Variants in CSMD3 observed in about 807,000 individuals in gnomAD.
CSMD3 encodes CUB and sushi domain-containing protein 3.
Under a neutral mutation model 435.2 loss-of-function variants are expected in CSMD3, and 177 were observed. The ratio of observed to expected loss-of-function variants is 0.41; its 90% confidence interval spans 0.36 to 0.46. CSMD3 has a LOEUF of 0.46. Ranked by LOEUF, CSMD3 falls within the 20% of genes least tolerant of loss-of-function variation. The pLI is 0.34. For missense variants in CSMD3, 4,265 were observed against 4,504.6 expected (o/e 0.95, Z 1.52); for synonymous variants, 1,656 against 1,520.5 (o/e 1.09, Z -2.07).
At chr8:113,221,796 C>T (rs2092969721) in intron 3 of CSMD3, among the ~76,000 whole-genome samples, 1 of 151,276 alleles carries the variant, frequency 6.6e-6, no homozygotes, top group African/African-American at 2.4e-5. Context: ...ATGGCACTCA[C>T]CTTCATCCAT....
intron 9 of CSMD3, among the ~76,000 whole-genome samples, chr8:112,931,164 A>C (rs1460481087): frequency 6.6e-6 from 1 of 151,978 alleles, no homozygotes; most frequent in African/African-American, 2.4e-5. Flanking sequence ...CATTTTTTTT[A>C]TGTTGCTATG....
intron 4 of CSMD3, among the ~76,000 whole-genome samples, chr8:113,166,774 A>G (rs1471412892): frequency 2.0e-5 from 3 of 152,096 alleles, no homozygotes; most frequent in Non-Finnish European, 2.9e-5. Flanking sequence ...ATTCTCTGGT[A>G]CCCTTAGTTT....
chr8:112,564,371 TTCCCC>T (rs1368323223), intron 24 of CSMD3, among the ~76,000 whole-genome samples: 3 of 141,390 alleles, frequency 2.1e-5, no homozygotes, highest in African/African-American at 7.8e-5. Flanking sequence ...CCCTTCTCCC[TTCCCC>T]TCCCCTTCCC....
intron 3 of CSMD3, among the ~76,000 whole-genome samples, chr8:113,200,585 T>A (rs2092706619): frequency 1.3e-5 from 2 of 151,656 alleles, no homozygotes; most frequent in South Asian, 4.2e-4. Context: ...AATCTATTTC[T>A]TTTATTTATT....
At chr8:113,213,648 TA>T (rs2092866393) in intron 3 of CSMD3, among the ~76,000 whole-genome samples, 1 of 151,992 alleles carries the variant, frequency 6.6e-6, no homozygotes, top group South Asian at 2.1e-4. Flanking sequence ...ATCTGAAGAT[TA>T]AGTCTAAGTA....
At chr8:112,696,444 T>C (rs926273150) in intron 13 of CSMD3, among the ~76,000 whole-genome samples, 2 of 152,106 alleles carry the variant, frequency 1.3e-5, no homozygotes, top group African/African-American at 4.8e-5. Context: ...ATCTGATCTT[T>C]GACAAACCTG....
At chr8:112,938,560 T>TG (rs2083355468) in intron 9 of CSMD3, among the ~76,000 whole-genome samples, 1 of 152,180 alleles carries the variant, frequency 6.6e-6, no homozygotes, top group African/African-American at 2.4e-5. Flanking sequence ...GCATGTGCAA[T>TG]ATTACACAGC....
Position 112,503,946 on chromosome 8 carries a change from A to G in CSMD3, c.4927T>C (p.Tyr1643His), listed in dbSNP as rs2130916452. The G allele has an allele frequency of 6.2e-7, 1 of 1,609,802 alleles. No individual in the cohort carries two copies. The highest frequency in any genetic ancestry group is 8.5e-7 in the Non-Finnish European group (1 of 1,176,696). Reference protein sequence around the residue: ...FSIEPNYDFLYIYDGPDSNSP... With the variant: ...FSIEPNYDFLHIYDGPDSNSP... ...TTACTGTCTGGTCCATCATAGATATAGAGGAAGTCATAGTTTGGTTCTATG... is the reference window on the plus strand; with the variant it reads ...TTACTGTCTGGTCCATCATAGATATGGAGGAAGTCATAGTTTGGTTCTATG... Residue 1643 changes from tyrosine (Y) to histidine (H), a missense_variant, in exon 30 of 71, where the codon TAT becomes CAT. Around this residue, in one of 3 missense-constraint regions of CSMD3, gnomAD observed 3,255 missense variants for 3,380.2 expected, o/e 0.96. Coordinates refer to ENST00000297405, the MANE Select transcript of CSMD3 (RefSeq NM_198123.2).
chr8:112,587,569 C>T (rs1003592364), intron 22 of CSMD3, among the ~76,000 whole-genome samples: 3 of 151,796 alleles, frequency 2.0e-5, no homozygotes, highest in African/African-American at 4.8e-5. Context: ...AAATGTAATA[C>T]ATTTAAATTT....
chr8:113,208,802 A>G (rs1186485690), intron 3 of CSMD3, among the ~76,000 whole-genome samples: 1 of 152,060 alleles, frequency 6.6e-6, no homozygotes, highest in East Asian at 1.9e-4. Flanking sequence ...GAAGTATGTA[A>G]GGGTACATGT....
intron 3 of CSMD3, among the ~76,000 whole-genome samples, chr8:113,269,858 C>A (rs1321740949): frequency 6.6e-5 from 10 of 151,802 alleles, no homozygotes; most frequent in Non-Finnish European, 1.0e-4. Flanking sequence ...ACCATAAAAA[C>A]CCTAGAAGAA....
intron 5 of CSMD3, among the ~76,000 whole-genome samples, chr8:113,038,639 G>A (rs2087463598): frequency 6.6e-6 from 1 of 152,104 alleles, no homozygotes; most frequent in Non-Finnish European, 1.5e-5. Flanking sequence ...GTGCTTTCTG[G>A]CAGCTCCAGG....
chr8:112,537,741 T>G (rs1391415608), intron 27 of CSMD3, among the ~76,000 whole-genome samples: 9 of 149,662 alleles, frequency 6.0e-5, no homozygotes, highest in Non-Finnish European at 1.0e-4. Flanking sequence ...AAAAAAAAAG[T>G]CCCCCATCAA....
Position 112,656,248 on chromosome 8 carries a change from C to T in CSMD3, c.2910G>A (p.Val970=). ...PLLGSYNGTQ[V]PQFLFSSSNF... ...TACTGCTACTAAATAGAAACTGGGG[C>T]ACTTGGGTGCCATTGTAAGATCCAA... Residue 970 remains valine, a synonymous_variant, in exon 18 of 71, where the codon GTG becomes GTA. Transcript: ENST00000297405. 6.2e-7 allele frequency: 1 copy of T among 1,609,770 alleles called. No individual in the cohort carries two copies. Among genetic ancestry groups the T allele is most frequent in the Admixed American group, 1.7e-5 (1 of 59,978 alleles).
At chr8:112,792,007 A>G (rs1438785712) in intron 13 of CSMD3, among the ~76,000 whole-genome samples, 1 of 152,094 alleles carries the variant, frequency 6.6e-6, no homozygotes, top group African/African-American at 2.4e-5. Context: ...AGCCATCTGT[A>G]TCTCTTCTTT....
At chr8:113,040,054 G>A (rs2087539122) in intron 5 of CSMD3, among the ~76,000 whole-genome samples, 2 of 152,118 alleles carry the variant, frequency 1.3e-5, no homozygotes, top group Admixed American at 6.6e-5. Flanking sequence ...CTCTACAAAT[G>A]AAACTAAGTG....
chr8:113,101,573 T>C (rs138173139), intron 4 of CSMD3, among the ~76,000 whole-genome samples: 1 of 152,046 alleles, frequency 6.6e-6, no homozygotes, highest in Non-Finnish European at 1.5e-5. Context: ...TAAATAACTC[T>C]ACACTCCTGA....
At chr8:112,718,275 A>G (rs2076778108) in intron 13 of CSMD3, among the ~76,000 whole-genome samples, 1 of 151,956 alleles carries the variant, frequency 6.6e-6, no homozygotes, top group African/African-American at 2.4e-5. Flanking sequence ...TCTCTTCTAT[A>G]TACTATGAAG....
intron 11 of CSMD3, among the ~76,000 whole-genome samples, chr8:112,842,277 T>G (rs922492261): frequency 7.2e-5 from 11 of 151,934 alleles, no homozygotes; most frequent in Admixed American, 2.0e-4. Flanking sequence ...CTCTTGCCAG[T>G]TTCTTCTTCA....
Sources: gnomAD v4.1 joint callset for allele counts (sites outside exome capture counted in the v4.1 genomes callset) on GRCh38, gnomAD v4.1.1 for gene constraint, gnomAD v4.1.1 regional missense constraint, MANE v1.5 for transcripts, NCBI Gene and HGNC (gene_info 2026-07-23, HGNC 2026-07-21) for gene names.